Variants in SLC49A4 observed in about 807,000 individuals in gnomAD.
SLC49A4 encodes the protein disrupted in renal cancer protein 2.
SLC49A4 carries 36 observed loss-of-function variants against 50.6 expected under a neutral mutation model. The ratio of observed to expected loss-of-function variants is 0.71; its 90% CI spans 0.55 to 0.94. The LOEUF (loss-of-function observed/expected upper bound fraction) is 0.94, where lower values mean the gene tolerates loss of function less well. Among genes scored for constraint, SLC49A4 ranks in the 40% least tolerant of loss-of-function variants. The pLI, the probability that SLC49A4 is intolerant of heterozygous loss-of-function variation, is 0.00. For synonymous variants in SLC49A4, 248 were observed against 241.2 expected (o/e 1.03, Z -0.26); for missense variants, 503 against 605.7 (o/e 0.83, Z 1.78).
chr3:122,841,386 TCA>T (rs1936767042), intron 4 of SLC49A4, among the ~76,000 whole-genome samples: 1 of 152,194 alleles, frequency 6.6e-6, no homozygotes, highest in African/African-American at 2.4e-5. Flanking sequence ...ACATGTCACA[TCA>T]GTGTGTAGAA....
chr3:122,813,102 T>C (rs1936321360), intron 2 of SLC49A4, among the ~76,000 whole-genome samples: 1 of 151,974 alleles, frequency 6.6e-6, no homozygotes, highest in Non-Finnish European at 1.5e-5. Flanking sequence ...ATACAAAAAT[T>C]AGCCGGGCGT....
At chr3:122,827,339 A>G (rs911293887) in intron 3 of SLC49A4, among the ~76,000 whole-genome samples, 24 of 152,248 alleles carry the variant, frequency 1.6e-4, no homozygotes, top group Admixed American at 2.6e-4. Flanking sequence ...TAAGTACTGT[A>G]TAACACATTT....
intron 2 of SLC49A4, 23 bp downstream of exon 2, chr3:122,806,973 C>G (rs374912159): frequency 7.2e-7 from 1 of 1,384,746 alleles, no homozygotes; most frequent in Non-Finnish European, 1.0e-6. Context: ...AATAACATTT[C>G]TCCCCCATTT....
chr3:122,840,730 G>T (rs1484166534), intron 4 of SLC49A4, among the ~76,000 whole-genome samples: 1 of 152,034 alleles, frequency 6.6e-6, no homozygotes, highest in Non-Finnish European at 1.5e-5. Flanking sequence ...GAATTAAGTG[G>T]AATATTTCAG....
intron 7 of SLC49A4, among the ~76,000 whole-genome samples, chr3:122,865,377 C>CA (rs1301371214): frequency 6.6e-6 from 1 of 152,186 alleles, no homozygotes; most frequent in Non-Finnish European, 1.5e-5. Context: ...TACCTTACAG[C>CA]AAAATATGCC....
intron 4 of SLC49A4, among the ~76,000 whole-genome samples, chr3:122,834,902 A>G (rs1936657807): frequency 6.6e-6 from 1 of 152,204 alleles, no homozygotes; most frequent in Non-Finnish European, 1.5e-5. Context: ...ACAAAAGATC[A>G]TTCAAGACTA....
intron 4 of SLC49A4, among the ~76,000 whole-genome samples, chr3:122,844,898 T>A (rs1011506804): frequency 6.6e-6 from 1 of 151,852 alleles, no homozygotes; most frequent in Admixed American, 6.6e-5. Flanking sequence ...TACCTGTACA[T>A]ACACATATTG....
At chr3:122,859,635 C>T (rs1168673733) in intron 6 of SLC49A4, among the ~76,000 whole-genome samples, 1 of 152,008 alleles carries the variant, frequency 6.6e-6, no homozygotes, top group Non-Finnish European at 1.5e-5. Flanking sequence ...TCCTTGAGCC[C>T]AGGAGTTCAA....
intron 2 of SLC49A4, among the ~76,000 whole-genome samples, chr3:122,823,153 A>G (rs1402997256): frequency 6.6e-6 from 1 of 152,150 alleles, no homozygotes; most frequent in Non-Finnish European, 1.5e-5. Context: ...TGCACTAGCT[A>G]CACAAGACCC....
At chr3:122,870,007 A>C (rs62261707) in intron 7 of SLC49A4, among the ~76,000 whole-genome samples, 2 of 112,362 alleles carry the variant, frequency 1.8e-5, no homozygotes, top group East Asian at 2.7e-4. Context: ...TCAGTGTGTT[A>C]TTATATTTTC....
chr3:122,854,860 G>A (rs929072427), intron 5 of SLC49A4, among the ~76,000 whole-genome samples: 1 of 152,212 alleles, frequency 6.6e-6, no homozygotes, highest in Non-Finnish European at 1.5e-5. Flanking sequence ...GGGAGGCCGA[G>A]GCGGGCGGAT....
intron 1 of SLC49A4, 149 bp from the exon 2 acceptor site, chr3:122,806,708 G>GT (rs35035359): frequency 0.28 from 127,265 of 449,344 alleles, 5,152 homozygotes; most frequent in African/African-American, 0.33. Context: ...AGGGTTCGTT[G>GT]TTTTTTTTTT....
At chr3:122,825,503 C>G (rs1936513190) in intron 2 of SLC49A4, among the ~76,000 whole-genome samples, 1 of 151,796 alleles carries the variant, frequency 6.6e-6, no homozygotes, top group South Asian at 2.1e-4. Context: ...AAGCTATGGG[C>G]AGCCCTAATT....
chr3:122,801,930 G>T (rs1936139680), intron 1 of SLC49A4, among the ~76,000 whole-genome samples: 1 of 152,088 alleles, frequency 6.6e-6, no homozygotes. Flanking sequence ...TAGACCAAAG[G>T]CTGTTCTGGC....
chr3:122,801,270 T>G (rs1936124150), intron 1 of SLC49A4, among the ~76,000 whole-genome samples: 1 of 152,258 alleles, frequency 6.6e-6, no homozygotes, highest in Admixed American at 6.5e-5. Flanking sequence ...CTAGAGGGAA[T>G]GAAAGGGAAA....
intron 7 of SLC49A4, among the ~76,000 whole-genome samples, chr3:122,863,322 C>T (rs924697292): frequency 2.0e-5 from 3 of 152,110 alleles, no homozygotes; most frequent in Non-Finnish European, 4.4e-5. Flanking sequence ...GGTTTTGTGC[C>T]AACTCCCACT....
At chr3:122,816,990 T>C (rs1407024924) in intron 2 of SLC49A4, among the ~76,000 whole-genome samples, 2 of 152,184 alleles carry the variant, frequency 1.3e-5, no homozygotes, top group African/African-American at 4.8e-5. Flanking sequence ...CCTGGGGTAA[T>C]AGTTAATCAT....
rs1283197260 is a variant in SLC49A4, at chr3:122,808,139, A to G, written c.437+1189A>G. ...TTGGGAATATGACAGAAGACAAAGCAGATAAAAATTACTATGTAATGTAGT... is the reference window on the plus strand; with the variant it reads ...TTGGGAATATGACAGAAGACAAAGCGGATAAAAATTACTATGTAATGTAGT... On this transcript the variant is annotated intron_variant, in intron 2 of 8. Coordinates refer to ENST00000261038, the MANE Select transcript of SLC49A4 (RefSeq NM_032839.3). 2.6e-5 allele frequency among the ~76,000 whole-genome samples: 4 copies of G among 152,344 alleles called. No individual in the cohort carries two copies. The East Asian group carries it at 7.7e-4, about 29-fold the overall frequency.
At chr3:122,830,459 A>G (rs1936594060) in intron 3 of SLC49A4, among the ~76,000 whole-genome samples, 1 of 152,236 alleles carries the variant, frequency 6.6e-6, no homozygotes, top group Non-Finnish European at 1.5e-5. Flanking sequence ...AAGGATAGGC[A>G]TATAAATCAG....
Sources: gnomAD v4.1 joint callset for allele counts (sites outside exome capture counted in the v4.1 genomes callset) on GRCh38, gnomAD v4.1.1 for gene constraint, MANE v1.5 for transcripts, NCBI Gene and HGNC (gene_info 2026-07-23, HGNC 2026-07-21) for gene names.